DPYD: variants seen among roughly 807,000 people sequenced by gnomAD.
The protein encoded by DPYD is dihydropyrimidine dehydrogenase [NADP(+)].
A neutral mutation model predicts 116.2 loss-of-function variants in DPYD; 109 were observed. The observed-to-expected ratio is 0.94, with a 90% CI of 0.80 to 1.10. DPYD has a LOEUF of 1.10. Ranked by LOEUF, DPYD falls within the 50% of genes least tolerant of loss-of-function variation. DPYD has a pLI of 0.00. For synonymous variants in DPYD, 440 were observed against 432.0 expected, an observed-to-expected ratio of 1.02 and a Z score of -0.23; for missense variants, 1,302 against 1,254.5, an observed-to-expected ratio of 1.04 and a Z score of -0.57.
At chr1:97,395,415 A>T (rs555949585) in intron 14 of DPYD, among the ~76,000 whole-genome samples, 1 of 152,028 alleles carries the variant, frequency 6.6e-6, no homozygotes, top group South Asian at 2.1e-4. Context: ...TCTTATACTG[A>T]TAATAATGAG....
At chr1:97,840,294 AT>A (rs1464406916) in intron 2 of DPYD, among the ~76,000 whole-genome samples, 1 of 152,054 alleles carries the variant, frequency 6.6e-6, no homozygotes, top group African/African-American at 2.4e-5. Flanking sequence ...AATAGGAGTA[AT>A]TTTTTAAGCC....
intron 11 of DPYD, among the ~76,000 whole-genome samples, chr1:97,561,169 G>A (rs1346656278): frequency 1.3e-5 from 2 of 152,158 alleles, no homozygotes; most frequent in Non-Finnish European, 2.9e-5. Flanking sequence ...AGCTCATTCT[G>A]GTAGGATTAT....
chr1:97,338,887 T>C (rs1401807656), intron 16 of DPYD, among the ~76,000 whole-genome samples: 4 of 152,034 alleles, frequency 2.6e-5, no homozygotes, highest in Non-Finnish European at 5.9e-5. Context: ...CTTAAACTTG[T>C]GGGAGGGAGG....
rs372249411 is a variant in DPYD, at chr1:97,102,396, CATATATAT to C, written c.2623-3772_2623-3765del. ...TATATCAGAATATATCACTCAGTAT[CATATATAT>C]ATATATATATATATATGTATATATG... On this transcript the variant is annotated intron_variant, in intron 20 of 22. Coordinates refer to ENST00000370192, the MANE Select transcript of DPYD (RefSeq NM_000110.4). Among the ~76,000 whole-genome samples the C allele has an allele frequency of 4.1e-3, 395 of 97,284 alleles. 8 individuals are homozygous for C. The highest frequency in any genetic ancestry group is 0.013 in the African/African-American group (344 of 26,148). 63.8% of individuals were successfully genotyped at this position (97,284 alleles called of 152,430 possible).
chr1:97,163,567 A>T (rs1656084617), intron 20 of DPYD, among the ~76,000 whole-genome samples: 1 of 152,178 alleles, frequency 6.6e-6, no homozygotes, highest in African/African-American at 2.4e-5. Context: ...GTCCAAGATC[A>T]AAGTGCTGGC....
chr1:97,080,515 T>G (rs780130881), intron 22 of DPYD, among the ~76,000 whole-genome samples: 2 of 152,114 alleles, frequency 1.3e-5, no homozygotes, highest in Non-Finnish European at 2.9e-5. Flanking sequence ...GTCTGATCTG[T>G]AAGGAAATAA....
intron 8 of DPYD, among the ~76,000 whole-genome samples, chr1:97,610,733 C>G (rs1655890763): frequency 6.6e-6 from 1 of 151,974 alleles, no homozygotes; most frequent in Admixed American, 6.6e-5. Context: ...TCAGATTTCT[C>G]TATAAAGATT....
At chr1:97,856,457 T>G (rs1249494316) in intron 2 of DPYD, 1 of 152,186 alleles carries the variant, frequency 6.6e-6, no homozygotes, top group Admixed American at 6.5e-5. Context: ...TTATTTTCAA[T>G]GAGCAAAATA....
chr1:97,867,380 T>C (rs1671439475), intron 2 of DPYD, among the ~76,000 whole-genome samples: 1 of 151,876 alleles, frequency 6.6e-6, no homozygotes, highest in African/African-American at 2.4e-5. Context: ...GTTATGCCAC[T>C]GTTGATACGA....
At chr1:97,586,961 T>C (rs949445937) in intron 10 of DPYD, among the ~76,000 whole-genome samples, 1 of 152,176 alleles carries the variant, frequency 6.6e-6, no homozygotes, top group African/African-American at 2.4e-5. Flanking sequence ...TATATATTTC[T>C]CTGAATGTTA....
At chr1:97,854,795 G>A (rs1257195418) in intron 2 of DPYD, among the ~76,000 whole-genome samples, 2 of 152,152 alleles carry the variant, frequency 1.3e-5, no homozygotes, top group Non-Finnish European at 2.9e-5. Flanking sequence ...AGAGGGTACA[G>A]GGTCAGGAGA....
chr1:97,251,502 A>G (rs1488140027), intron 18 of DPYD, among the ~76,000 whole-genome samples: 1 of 152,088 alleles, frequency 6.6e-6, no homozygotes, highest in Non-Finnish European at 1.5e-5. Context: ...ACATCATGTA[A>G]GGTAAATCAA....
At chr1:97,675,851 C>T (rs570141681) in intron 8 of DPYD, among the ~76,000 whole-genome samples, 47 of 150,896 alleles carry the variant, frequency 3.1e-4, no homozygotes, top group Non-Finnish European at 5.3e-4. Context: ...CCGGTTGAAG[C>T]GATTCTCCTG....
At chr1:97,791,447 T>A (rs1218135727) in intron 3 of DPYD, among the ~76,000 whole-genome samples, 1 of 152,202 alleles carries the variant, frequency 6.6e-6, no homozygotes, top group Non-Finnish European at 1.5e-5. Context: ...ATTAGAGTAT[T>A]GGAACAAGTT....
intron 19 of DPYD, among the ~76,000 whole-genome samples, chr1:97,232,557 T>C (rs1287901595): frequency 6.6e-6 from 1 of 152,146 alleles, no homozygotes; most frequent in East Asian, 1.9e-4. Context: ...AGTCCCACAG[T>C]TCCCTGAGGG....
chr1:97,808,428 G>A (rs1668183873), intron 3 of DPYD, among the ~76,000 whole-genome samples: 1 of 152,042 alleles, frequency 6.6e-6, no homozygotes, highest in South Asian at 2.1e-4. Context: ...TGACATATAT[G>A]AAAACAATTA....
At chr1:97,623,880 G>A (rs980224911) in intron 8 of DPYD, among the ~76,000 whole-genome samples, 48 of 152,108 alleles carry the variant, frequency 3.2e-4, no homozygotes, top group Non-Finnish European at 4.7e-4. Context: ...TAAGCAATGG[G>A]TAAAGGATAG....
At chr1:97,764,891 TGTTGAATGAATTAAG>T (rs1416176367) in intron 3 of DPYD, among the ~76,000 whole-genome samples, 7 of 152,196 alleles carry the variant, frequency 4.6e-5, no homozygotes, top group Admixed American at 3.9e-4. Context: ...AATGAATATT[TGTTGAATGAATTAAG>T]GAATAAATCA....
intron 6 of DPYD, among the ~76,000 whole-genome samples, chr1:97,693,543 A>G (rs1477072333): frequency 6.6e-6 from 1 of 152,114 alleles, no homozygotes; most frequent in Non-Finnish European, 1.5e-5. Flanking sequence ...TTCAAAGTCT[A>G]AGTAGAAAGA....
Sources: allele counts gnomAD v4.1 joint callset (sites outside exome capture counted in the v4.1 genomes callset), GRCh38; gene constraint gnomAD v4.1.1; transcripts MANE v1.5; gene names NCBI Gene and HGNC (gene_info 2026-07-23, HGNC 2026-07-21).